Variants in PCDHGA6 observed in about 807,000 individuals in gnomAD.
PCDHGA6 encodes the protein protocadherin gamma subfamily A, 6, also known as protocadherin gamma-A6.
In PCDHGA6, 41 loss-of-function variants were observed where a neutral mutation model predicts 60.6. The ratio of observed to expected loss-of-function variants is 0.68; its 90% CI spans 0.53 to 0.88. PCDHGA6 has a LOEUF of 0.88. Among genes scored for constraint, PCDHGA6 ranks in the 40% least tolerant of loss-of-function variants. The pLI, the probability that PCDHGA6 is intolerant of heterozygous loss-of-function variation, is 0.00. For synonymous variants in PCDHGA6, 594 were observed against 524.4 expected (o/e 1.13, Z -1.81); for missense variants, 1,312 against 1,203.0 (o/e 1.09, Z -1.34).
At chr5:141,415,392 G>T in intron 1 of PCDHGA6, 1 of 1,614,238 alleles carries the variant, frequency 6.2e-7, no homozygotes, top group Non-Finnish European at 8.5e-7. Context: ...TGACAGGTGT[G>T]TCCGGCTCGC....
chr5:141,436,817 TA>T (rs1431750380), intron 1 of PCDHGA6, among the ~76,000 whole-genome samples: 1 of 152,244 alleles, frequency 6.6e-6, no homozygotes, highest in Non-Finnish European at 1.5e-5. Context: ...ACAGCTGGTT[TA>T]AAAATCTTAA....
intron 1 of PCDHGA6, among the ~76,000 whole-genome samples, chr5:141,433,847 A>C (rs979302028): frequency 6.6e-6 from 1 of 151,976 alleles, no homozygotes; most frequent in South Asian, 2.1e-4. Context: ...CAAAAAAAAA[A>C]AAAAAAAACT....
intron 1 of PCDHGA6, chr5:141,400,748 C>A: frequency 5.0e-6 from 3 of 604,576 alleles, no homozygotes; most frequent in Non-Finnish European, 8.6e-6. Context: ...TTGCTCTTAG[C>A]TTCCTCTCTA....
intron 1 of PCDHGA6, chr5:141,389,952 C>T (rs2091983675): frequency 3.1e-6 from 5 of 1,613,946 alleles, no homozygotes; most frequent in Non-Finnish European, 4.2e-6. Context: ...GCAGTTTTAC[C>T]TAGTGGTGGC....
chr5:141,393,136 C>A (rs1188231861), intron 1 of PCDHGA6: 3 of 1,613,306 alleles, frequency 1.9e-6, no homozygotes, highest in Admixed American at 1.7e-5. Flanking sequence ...AATATTAACA[C>A]CCTGGTTGAG....
intron 1 of PCDHGA6, among the ~76,000 whole-genome samples, chr5:141,481,749 C>G (rs958851030): frequency 7.9e-5 from 12 of 151,976 alleles, no homozygotes; most frequent in African/African-American, 2.9e-4. Context: ...GTCAGGAGTC[C>G]AAGACCAGCC....
At position 141,385,228 on chromosome 5, in the gene PCDHGA6, GAC is replaced by G. The variant is rs1361009837; in HGVS notation, c.2424+8723_2424+8724del. 9 of 1,614,224 alleles carry G rather than the reference GAC, an allele frequency of 5.6e-6. No individual in the cohort carries two copies. The South Asian group carries it at 8.8e-5, about 16-fold the overall frequency. On this transcript the variant is annotated intron_variant, in intron 1 of 3. Transcript: ENST00000517434. ...GATCTTCCCCCAGCCCAACTATGTAGACATGCTCATCAGCCAGGAGAGCTGTG... is the reference window on the plus strand; with the variant it reads ...GATCTTCCCCCAGCCCAACTATGTAGATGCTCATCAGCCAGGAGAGCTGTG...
rs776721321 is a variant in PCDHGA6, at chr5:141,431,084, C to A, written c.2424+54577C>A. ...CAAGTGTCAATTAAATCTAGACATT[C>A]TGATGGAGGATAAAGTGAAAATATA... is the stretch of plus-strand genomic sequence containing the variant. On this transcript the variant is annotated intron_variant, in intron 1 of 3. Coordinates refer to ENST00000517434, the MANE Select transcript of PCDHGA6 (RefSeq NM_018919.3). This position sits in a 1 kb window ranked among gnomAD's most constrained non-coding sequence, Gnocchi z 4.8. The A allele has an allele frequency of 1.2e-6, 2 of 1,614,060 alleles. No homozygotes were observed. Among genetic ancestry groups the A allele is most frequent in the Non-Finnish European group, 1.7e-6 (2 of 1,180,002 alleles).
chr5:141,377,109 G>A (rs1437857373), intron 1 of PCDHGA6: 2 of 152,368 alleles, frequency 1.3e-5, no homozygotes, highest in Admixed American at 1.3e-4. Flanking sequence ...TCAAAAGAAT[G>A]TTCTGAAGTC....
intron 1 of PCDHGA6, chr5:141,395,233 G>T: frequency 6.2e-7 from 1 of 1,602,052 alleles, no homozygotes; most frequent in Non-Finnish European, 8.5e-7. Context: ...GCTGATCATG[G>T]TCAGGTGAGT....
chr5:141,439,629 A>G (rs1262264623), intron 1 of PCDHGA6, among the ~76,000 whole-genome samples: 1 of 152,208 alleles, frequency 6.6e-6, no homozygotes, highest in East Asian at 1.9e-4. Flanking sequence ...CAATCCCCAG[A>G]CATTCCGGCT....
In PCDHGA6 at chr5:141,418,400, G is replaced by C; in HGVS notation, c.2424+41893G>C. ...AAGTCCTAACGAGTATTTCTCATTGGTGGAGAAAGACAATCCTGATGGTGG... is the reference window on the plus strand; with the variant it reads ...AAGTCCTAACGAGTATTTCTCATTGCTGGAGAAAGACAATCCTGATGGTGG... On this transcript the variant is annotated intron_variant, in intron 1 of 3. Coordinates refer to ENST00000517434, the MANE Select transcript of PCDHGA6 (RefSeq NM_018919.3). The C allele has an allele frequency of 6.2e-7, 1 of 1,613,900 alleles. No homozygotes were observed. The highest frequency in any genetic ancestry group is 8.5e-7 in the Non-Finnish European group (1 of 1,179,794).
chr5:141,507,736 G>A (rs1562231670), intron 3 of PCDHGA6, among the ~76,000 whole-genome samples: 1 of 152,240 alleles, frequency 6.6e-6, no homozygotes. Flanking sequence ...CATGCAGCTC[G>A]TTCCCCTGTC....
chr5:141,498,807 C>G (rs113587634), intron 2 of PCDHGA6, among the ~76,000 whole-genome samples: 1 of 152,030 alleles, frequency 6.6e-6, no homozygotes, highest in Non-Finnish European at 1.5e-5. Flanking sequence ...GTGGTGCACA[C>G]CTGTAGTCCC....
At chr5:141,376,697 T>TTTTTTTTTA (rs60911796) in intron 1 of PCDHGA6, 190 bp downstream of exon 1, 1 of 652,042 alleles carries the variant, frequency 1.5e-6, no homozygotes, top group African/African-American at 2.1e-5. Context: ...TTTTTTTTTT[T>TTTTTTTTTA]GAGACGGAGT....
chr5:141,427,995 G>C (rs1292989797), intron 1 of PCDHGA6: 2 of 1,599,590 alleles, frequency 1.3e-6, no homozygotes, highest in African/African-American at 2.7e-5. Flanking sequence ...CGATGGCTCC[G>C]CACTCTTCGA....
chr5:141,438,627 TATATATATACACACAC>T (rs1396288881), intron 1 of PCDHGA6, among the ~76,000 whole-genome samples: 69 of 48,002 alleles, frequency 1.4e-3, no homozygotes, highest in Admixed American at 2.8e-3. Flanking sequence ...TATATATATA[TATATATATACACACAC>T]ACACACACAT....
chr5:141,485,511 C>G lies in PCDHGA6; in HGVS notation c.2425-9296C>G, dbSNP rs1168331122. The G allele has an allele frequency of 1.2e-6, 2 of 1,614,042 alleles. No individual in the cohort carries two copies. Among genetic ancestry groups the G allele is most frequent in the Non-Finnish European group, 1.7e-6 (2 of 1,180,038 alleles). On this transcript the variant is annotated intron_variant, in intron 1 of 3. Transcript: ENST00000517434. The surrounding 1 kb of genome is among the most constrained non-coding windows in gnomAD (Gnocchi z 5.7). Reference sequence around the variant, plus strand: ...CCCCTGGAGTTTGTCACCGAAGGTCCTTTGGAAATGTACCGAGCAGAGGTA... The same window carrying G: ...CCCCTGGAGTTTGTCACCGAAGGTCGTTTGGAAATGTACCGAGCAGAGGTA...
At chr5:141,481,472 A>G (rs2099538174) in intron 1 of PCDHGA6, among the ~76,000 whole-genome samples, 1 of 152,246 alleles carries the variant, frequency 6.6e-6, no homozygotes, top group Non-Finnish European at 1.5e-5. Context: ...CCATTGGATT[A>G]TACACTTTAA....
Sources: allele counts gnomAD v4.1 joint callset (sites outside exome capture counted in the v4.1 genomes callset), GRCh38; gene constraint gnomAD v4.1.1; non-coding constraint Gnocchi (gnomAD v3.1); transcripts MANE v1.5; gene names NCBI Gene and HGNC (gene_info 2026-07-23, HGNC 2026-07-21).